MARCHF11: variants seen among roughly 807,000 people sequenced by gnomAD.
MARCHF11 encodes membrane associated ring-CH-type finger 11.
MARCHF11 carries 29 observed loss-of-function variants against 37.3 expected under a neutral mutation model. That is an observed-to-expected ratio of 0.78 (90% CI 0.58 to 1.06). The LOEUF (loss-of-function observed/expected upper bound fraction) is 1.06. MARCHF11 is among the 50% of genes least tolerant of loss of function. MARCHF11 has a pLI of 0.00. For synonymous variants in MARCHF11, 233 were observed against 228.0 expected (o/e 1.02, Z -0.20); for missense variants, 482 against 533.4 (o/e 0.90, Z 0.95).
intron 2 of MARCHF11, among the ~76,000 whole-genome samples, chr5:16,163,800 A>T (rs938986541): frequency 9.2e-5 from 14 of 152,076 alleles, no homozygotes; most frequent in Non-Finnish European, 1.5e-5. Context: ...GTGGAGCTTT[A>T]AGAGGTAATT....
At chr5:16,158,406 G>A (rs1738014489) in intron 2 of MARCHF11, among the ~76,000 whole-genome samples, 1 of 151,840 alleles carries the variant, frequency 6.6e-6, no homozygotes, top group Non-Finnish European at 1.5e-5. Context: ...AAGAAAATGT[G>A]GCATCTATGC....
chr5:16,080,874 G>A (rs912540680), intron 3 of MARCHF11, among the ~76,000 whole-genome samples: 5 of 151,960 alleles, frequency 3.3e-5, no homozygotes, highest in African/African-American at 9.7e-5. Context: ...ATCTTGATCA[G>A]CCACATTCAG....
At chr5:16,145,309 A>G (rs1213018830) in intron 2 of MARCHF11, among the ~76,000 whole-genome samples, 1 of 152,164 alleles carries the variant, frequency 6.6e-6, no homozygotes, top group African/African-American at 2.4e-5. Flanking sequence ...CAGAGTGCTC[A>G]TGAACTGGTT....
At chr5:16,124,111 G>A (rs1194655773) in intron 2 of MARCHF11, among the ~76,000 whole-genome samples, 3 of 152,180 alleles carry the variant, frequency 2.0e-5, no homozygotes, top group South Asian at 2.1e-4. Context: ...GCAGGCCTGG[G>A]AAGTTCATTT....
rs111317851 is a variant in MARCHF11 at position 16,119,655 on chromosome 5, TA to T, written c.694-28575del. Among the ~76,000 whole-genome samples, 386 of 151,288 alleles carry T rather than the reference TA, an allele frequency of 2.6e-3. 3 individuals are homozygous for T. The highest frequency in any genetic ancestry group is 8.6e-3 in the African/African-American group (355 of 41,280). On this transcript the variant is annotated intron_variant, in intron 2 of 3. Coordinates refer to ENST00000332432, the MANE Select transcript of MARCHF11 (RefSeq NM_001102562.3). ...GAAGCCTTATAGGTTTTAAGATGTT[TA>T]AAAAAAAATGCCTATTCATGAACAC...
intron 2 of MARCHF11, among the ~76,000 whole-genome samples, chr5:16,157,192 T>TTTC (rs1405412358): frequency 9.3e-6 from 1 of 107,228 alleles, no homozygotes; most frequent in Non-Finnish European, 1.9e-5. Context: ...ATAAAAGACA[T>TTTC]TGAAGAAGAC....
intron 2 of MARCHF11, among the ~76,000 whole-genome samples, chr5:16,176,249 A>T (rs1449906162): frequency 6.6e-6 from 1 of 152,148 alleles, no homozygotes; most frequent in Non-Finnish European, 1.5e-5. Context: ...TCAGCCAATG[A>T]GTGTCTGACC....
chr5:16,129,556 TAATA>T (rs1274143552), intron 2 of MARCHF11, among the ~76,000 whole-genome samples: 2 of 152,210 alleles, frequency 1.3e-5, no homozygotes, highest in Non-Finnish European at 1.5e-5. Context: ...GATGTTCACA[TAATA>T]TTTATTTTAG....
intron 2 of MARCHF11, among the ~76,000 whole-genome samples, chr5:16,153,265 G>A (rs1205644482): frequency 1.3e-5 from 2 of 151,982 alleles, no homozygotes; most frequent in Non-Finnish European, 2.9e-5. Context: ...GGCTTTCCTA[G>A]ATGAGAAAAA....
chr5:16,091,635 C>T (rs898337436), intron 2 of MARCHF11, among the ~76,000 whole-genome samples: 2 of 152,174 alleles, frequency 1.3e-5, no homozygotes, highest in African/African-American at 4.8e-5. Context: ...GTTATTGGTA[C>T]ATTCCATATA....
intron 2 of MARCHF11, among the ~76,000 whole-genome samples, chr5:16,130,251 TACACACACACAC>T (rs56978661): frequency 3.5e-5 from 5 of 144,290 alleles, no homozygotes; most frequent in South Asian, 2.2e-4. Context: ...TCCAGGTACA[TACACACACACAC>T]ACACACACAC....
At position 16,179,206 on chromosome 5, in the gene MARCHF11, C is replaced by T. The variant is rs1328763078; in HGVS notation, c.370G>A (p.Ala124Thr). The change falls in exon 1 of 4, where the codon GCC becomes ACC. Residue 124 changes from alanine (A) to threonine (T), a missense_variant. Physicochemically the swap from Ala to Thr is moderately conservative, Grantham distance 58 (BLOSUM62 0). Transcript: ENST00000332432. ...CGCTCGCGCTCGCCGCCCGCGCCGGCCTCAGACTCCCCGGGGCCGCCTTTC... is the reference window on the plus strand; with the variant it reads ...CGCTCGCGCTCGCCGCCCGCGCCGGTCTCAGACTCCCCGGGGCCGCCTTTC... ...AAKGGPGESE[A>T]GAGGERERRG... 5 of 1,347,238 alleles carry T rather than the reference C, an allele frequency of 3.7e-6. No homozygotes were observed. The highest frequency in any genetic ancestry group is 3.1e-5 in the African/African-American group (2 of 64,952). 83.5% of individuals were successfully genotyped at this position (1,347,238 alleles called of 1,614,324 possible). A position where few individuals can be genotyped will look rare whatever the true frequency, so the allele number is the denominator to read the frequency against.
chr5:16,093,139 G>A (rs191470209), intron 2 of MARCHF11, among the ~76,000 whole-genome samples: 14 of 152,234 alleles, frequency 9.2e-5, no homozygotes, highest in African/African-American at 2.9e-4. Flanking sequence ...TCCATGAAGC[G>A]TGTTTGTGTG....
At chr5:16,127,614 C>T (rs1737433001) in intron 2 of MARCHF11, among the ~76,000 whole-genome samples, 1 of 152,114 alleles carries the variant, frequency 6.6e-6, no homozygotes. Context: ...AATCAAGGAC[C>T]ACAATTACAA....
At chr5:16,137,567 T>A (rs977290425) in intron 2 of MARCHF11, among the ~76,000 whole-genome samples, 1 of 152,196 alleles carries the variant, frequency 6.6e-6, no homozygotes, top group African/African-American at 2.4e-5. Context: ...GATATTGCTA[T>A]TAAGATACCC....
intron 2 of MARCHF11, among the ~76,000 whole-genome samples, chr5:16,163,466 T>C (rs1242262031): frequency 6.6e-6 from 1 of 151,962 alleles, no homozygotes; most frequent in African/African-American, 2.4e-5. Context: ...CAGAAAGCAA[T>C]TCCTACAATA....
intron 2 of MARCHF11, among the ~76,000 whole-genome samples, chr5:16,110,265 A>G (rs551541020): frequency 3.3e-5 from 5 of 152,202 alleles, no homozygotes; most frequent in Non-Finnish European, 7.3e-5. Context: ...GGTCCCCTTT[A>G]AATCACAAAA....
intron 2 of MARCHF11, among the ~76,000 whole-genome samples, chr5:16,093,749 T>G (rs1330427029): frequency 6.6e-6 from 1 of 152,210 alleles, no homozygotes; most frequent in Non-Finnish European, 1.5e-5. Flanking sequence ...TTTAAGATTA[T>G]GTCCGGAGGC....
chr5:16,091,152 TCC>T, intron 2 of MARCHF11, 71 bp from the exon 3 acceptor site: 1 of 1,218,748 alleles, frequency 8.2e-7, no homozygotes, highest in South Asian at 1.8e-5. Flanking sequence ...ACATTTTCAG[TCC>T]TGTGTTTCTT....
Sources: gnomAD v4.1 joint callset for allele counts (sites outside exome capture counted in the v4.1 genomes callset) on GRCh38, gnomAD v4.1.1 for gene constraint, MANE v1.5 for transcripts, NCBI Gene and HGNC (gene_info 2026-07-23, HGNC 2026-07-21) for gene names.